Variants in TCEA1 observed in about 807,000 individuals in gnomAD.
TCEA1 encodes transcription elongation factor A protein 1.
A neutral mutation model predicts 43.8 loss-of-function variants in TCEA1; 21 were observed. The ratio of observed to expected loss-of-function variants is 0.48; its 90% CI spans 0.34 to 0.69. The LOEUF (loss-of-function observed/expected upper bound fraction) is 0.69, where lower values mean the gene tolerates loss of function less well. Among genes scored for constraint, TCEA1 ranks in the 30% least tolerant of loss-of-function variants. The pLI is 0.01. For synonymous variants in TCEA1, 104 were observed against 117.5 expected, an observed-to-expected ratio of 0.88 and a Z score of 0.75; for missense variants, 250 against 365.1, an observed-to-expected ratio of 0.68 and a Z score of 2.57.
chr8:53,983,643 A>G (rs10113246), intron 7 of TCEA1, among the ~76,000 whole-genome samples: 57,926 of 151,596 alleles, frequency 0.38, 15,785 homozygotes, highest in East Asian at 0.74. Flanking sequence ...ATCCCAGCCC[A>G]GGCAACAAGG....
chr8:54,010,604 GA>G, intron 1 of TCEA1, 112 bp from the exon 2 acceptor site: 1 of 776,186 alleles, frequency 1.3e-6, no homozygotes, highest in Non-Finnish European at 2.0e-6. Context: ...AATAAAATCA[GA>G]TAAGGAGCAA....
At chr8:54,021,730 C>T (rs186372855) in intron 1 of TCEA1, 2 of 231,360 alleles carry the variant, frequency 8.6e-6, no homozygotes, top group Non-Finnish European at 1.6e-5. Flanking sequence ...ACTTTCTACG[C>T]TTCAATTCCT....
At chr8:54,016,439 G>GCT (rs1034057922) in intron 1 of TCEA1, among the ~76,000 whole-genome samples, 3 of 152,104 alleles carry the variant, frequency 2.0e-5, no homozygotes, top group African/African-American at 7.2e-5. Context: ...CTGCACTCCA[G>GCT]CCGGGGTGAC....
In TCEA1 at chr8:54,013,692, A is replaced by C. The variant is rs535632742; in HGVS notation, c.64-3200T>G. On this transcript the variant is annotated intron_variant, in intron 1 of 9. Transcript: ENST00000521604. ...CAAAACTCCATCTCAAAAAAAAAAA[A>C]AAAAAAAAAACAAAAAACAGACAAA... Among the ~76,000 whole-genome samples, 223 of 148,064 alleles carry C rather than the reference A, an allele frequency of 1.5e-3. 1 individual carries two copies. Among genetic ancestry groups the C allele is most frequent in the Non-Finnish European group, 2.7e-3 (180 of 67,698 alleles).
chr8:54,001,693 T>C (rs562390179), intron 2 of TCEA1, among the ~76,000 whole-genome samples: 1 of 152,286 alleles, frequency 6.6e-6, no homozygotes, highest in East Asian at 1.9e-4. Context: ...AGATGATGAA[T>C]TGTGTACTGC....
At chr8:54,013,680 C>CAAAA (rs5891511) in intron 1 of TCEA1, among the ~76,000 whole-genome samples, 42 of 65,270 alleles carry the variant, frequency 6.4e-4, no homozygotes, top group African/African-American at 7.0e-4. Flanking sequence ...AACTCCATCT[C>CAAAA]AAAAAAAAAA....
chr8:53,974,437 T>C (rs965828110), intron 8 of TCEA1, among the ~76,000 whole-genome samples: 1 of 151,068 alleles, frequency 6.6e-6, no homozygotes, highest in African/African-American at 2.4e-5. Context: ...TTACCTGAAT[T>C]GTAGGGTTTA....
chr8:53,969,572 A>C (rs1251374466), intron 9 of TCEA1, among the ~76,000 whole-genome samples: 1 of 151,936 alleles, frequency 6.6e-6, no homozygotes, highest in Non-Finnish European at 1.5e-5. Flanking sequence ...ACCAACAATT[A>C]TCAGGCACAC....
chr8:54,013,935 A>G (rs775331670), intron 1 of TCEA1, among the ~76,000 whole-genome samples: 1 of 152,134 alleles, frequency 6.6e-6, no homozygotes, highest in Non-Finnish European at 1.5e-5. Context: ...ACAAGGTTCT[A>G]TGATTACTAA....
intron 7 of TCEA1, among the ~76,000 whole-genome samples, chr8:53,983,092 C>T (rs958541980): frequency 6.6e-6 from 1 of 152,196 alleles, no homozygotes; most frequent in Non-Finnish European, 1.5e-5. Context: ...AACATCCAGG[C>T]AATTCCCTTT....
intron 9 of TCEA1, 48 bp downstream of exon 9, chr8:53,970,344 C>T (rs2129297735): frequency 7.8e-7 from 1 of 1,278,206 alleles, no homozygotes; most frequent in Non-Finnish European, 1.1e-6. Context: ...CAGAAGAAAT[C>T]TTTCTATTTT....
At chr8:53,976,516 C>T (rs1442984319) in intron 8 of TCEA1, among the ~76,000 whole-genome samples, 1 of 152,126 alleles carries the variant, frequency 6.6e-6, no homozygotes, top group Non-Finnish European at 1.5e-5. Context: ...AGTTTTCTAT[C>T]TGAAGCGAAC....
At chr8:53,968,648 C>A (rs375723356) in intron 9 of TCEA1, among the ~76,000 whole-genome samples, 2 of 151,798 alleles carry the variant, frequency 1.3e-5, no homozygotes, top group Non-Finnish European at 2.9e-5. Context: ...TCAAGACCAT[C>A]CTGGCCAACG....
At chr8:54,017,897 G>C (rs1804887189) in intron 1 of TCEA1, among the ~76,000 whole-genome samples, 1 of 152,180 alleles carries the variant, frequency 6.6e-6, no homozygotes, top group African/African-American at 2.4e-5. Flanking sequence ...TCCAGCCTGA[G>C]TGACATGACT....
At chr8:53,999,224 CAAAAAAAAA>C (rs57357613) in intron 3 of TCEA1, among the ~76,000 whole-genome samples, 129 of 64,522 alleles carry the variant, frequency 2.0e-3, no homozygotes, top group Non-Finnish European at 2.9e-3. Context: ...GACTCAGTCT[CAAAAAAAAA>C]AAAAAAAAAA....
intron 1 of TCEA1, among the ~76,000 whole-genome samples, chr8:54,014,303 C>T (rs1804751246): frequency 6.6e-6 from 1 of 152,116 alleles, no homozygotes; most frequent in African/African-American, 2.4e-5. Context: ...CCCCAAGCAT[C>T]ACCTAGCTCT....
Position 53,967,100 on chromosome 8 carries a change from T to G in TCEA1, c.*1004A>C. 1 of 212,616 alleles carries G rather than the reference T, an allele frequency of 4.7e-6. No individual in the cohort carries two copies. The highest frequency in any genetic ancestry group is 7.1e-5 in the East Asian group (1 of 13,990). 13.2% of individuals were successfully genotyped at this position (212,616 alleles called of 1,614,324 possible). ...ACTCATGACAGAAAAAGTCAGCAAA[T>G]AAGACTTGGGACAAAATTATTTTCT... On this transcript the variant is annotated 3_prime_UTR_variant, in exon 10 of 10. Coordinates refer to ENST00000521604, the MANE Select transcript of TCEA1 (RefSeq NM_006756.4).
At chr8:53,973,437 G>C in intron 8 of TCEA1, 1 of 499,508 alleles carries the variant, frequency 2.0e-6, no homozygotes, top group South Asian at 1.8e-5. Context: ...ACTTCCCTCT[G>C]ATGTTGATAT....
chr8:54,008,600 G>GGCTGCA (rs1804551395), intron 2 of TCEA1, among the ~76,000 whole-genome samples: 1 of 151,438 alleles, frequency 6.6e-6, no homozygotes, highest in African/African-American at 2.4e-5. Flanking sequence ...AGGAGGTGGA[G>GGCTGCA]GCTGCAGTCA....
Sources: gnomAD v4.1 joint callset for allele counts (sites outside exome capture counted in the v4.1 genomes callset) on GRCh38, gnomAD v4.1.1 for gene constraint, MANE v1.5 for transcripts, NCBI Gene and HGNC (gene_info 2026-07-23, HGNC 2026-07-21) for gene names.